The following UGT1A4 variants were observed in gnomAD, a reference collection of about 807,000 sequenced individuals.
UGT1A4 encodes UDP-glucuronosyltransferase 1A4.
Under a neutral mutation model 41.1 loss-of-function variants are expected in UGT1A4, and 32 were observed. That is an observed-to-expected ratio of 0.78 (90% CI 0.59 to 1.05). The LOEUF is 1.05. Ranked by LOEUF, UGT1A4 falls within the 50% of genes least tolerant of loss-of-function variation. The probability of loss-of-function intolerance (pLI) is 0.00; values close to 1 mark genes in which losing one functional copy is unlikely to be tolerated. For missense variants in UGT1A4, 748 were observed against 677.4 expected, an observed-to-expected ratio of 1.10 and a Z score of -1.16; for synonymous variants, 283 against 265.1, an observed-to-expected ratio of 1.07 and a Z score of -0.66.
chr2:233,725,861 T>C (rs1225689926), intron 1 of UGT1A4, among the ~76,000 whole-genome samples: 2 of 152,194 alleles, frequency 1.3e-5, no homozygotes, highest in East Asian at 1.9e-4. Context: ...ATTCCCCATC[T>C]CTTTTAATTT....
intron 1 of UGT1A4, chr2:233,742,978 TA>T: frequency 8.7e-6 from 2 of 230,188 alleles, no homozygotes; most frequent in Non-Finnish European, 1.7e-5. Flanking sequence ...GGCTTAAGTT[TA>T]ATAAATAGCA....
In UGT1A4 at chr2:233,769,600, G is replaced by A. The variant is rs36059993; in HGVS notation, c.1307+1161G>A. 2,963 of 1,612,786 alleles carry A rather than the reference G, an allele frequency of 1.8e-3. 49 individuals are homozygous for A. In the African/African-American group the frequency reaches 0.035, roughly 19 times the overall value. ...GTTCAGATGAGAGGAGACGGAACAC[G>A]GGGACACACCAGCTTGAGCAAGGGA... is the stretch of plus-strand genomic sequence containing the variant. On this transcript the variant is annotated intron_variant, in intron 4 of 4. Transcript: ENST00000373409. The surrounding 1 kb of genome is among the most constrained non-coding windows in gnomAD (Gnocchi z 4.4).
intron 1 of UGT1A4, chr2:233,755,338 G>T (rs569505432): frequency 4.6e-6 from 2 of 431,822 alleles, no homozygotes; most frequent in South Asian, 2.1e-5. Flanking sequence ...CCCGCGCACA[G>T]GTCAGAGGCT....
At chr2:233,764,492 C>G (rs1698575712) in intron 1 of UGT1A4, among the ~76,000 whole-genome samples, 1 of 152,096 alleles carries the variant, frequency 6.6e-6, no homozygotes, top group African/African-American at 2.4e-5. Context: ...TGTTTATGGA[C>G]CTGTGGGTTC....
chr2:233,744,469 A>G (rs965200544), intron 1 of UGT1A4, among the ~76,000 whole-genome samples: 1 of 151,962 alleles, frequency 6.6e-6, no homozygotes, highest in African/African-American at 2.4e-5. Flanking sequence ...AGAATTAAAA[A>G]GACATATTAA....
At chr2:233,734,881 G>T (rs1413647330) in intron 1 of UGT1A4, among the ~76,000 whole-genome samples, 2 of 152,202 alleles carry the variant, frequency 1.3e-5, no homozygotes, top group Non-Finnish European at 2.9e-5. Flanking sequence ...CTGAGAGACA[G>T]TTTGTTGTGA....
At chr2:233,765,122 G>A (rs181302961) in intron 1 of UGT1A4, among the ~76,000 whole-genome samples, 232 of 152,218 alleles carry the variant, frequency 1.5e-3, no homozygotes, top group Admixed American at 3.1e-3. Context: ...GACTGTTCAG[G>A]TTTTAGCACT....
At chr2:233,757,560 A>ATATATATATATATATATATG (rs904896556) in intron 1 of UGT1A4, among the ~76,000 whole-genome samples, 15 of 123,136 alleles carry the variant, frequency 1.2e-4, no homozygotes, top group African/African-American at 5.1e-4. Context: ...ATATATATAT[A>ATATATATATATATATATATG]TGTATATATG....
At chr2:233,729,112 G>A (rs557523932) in intron 1 of UGT1A4, 4 of 1,612,930 alleles carry the variant, frequency 2.5e-6, no homozygotes, top group East Asian at 2.2e-5. Flanking sequence ...TCAGCTGTCC[G>A]TGTCTTCTGC....
chr2:233,727,233 T>C (rs17864698), intron 1 of UGT1A4, among the ~76,000 whole-genome samples: 72 of 152,246 alleles, frequency 4.7e-4, no homozygotes, highest in Non-Finnish European at 7.8e-4. Context: ...TGCGGATGGC[T>C]CCAAGTCTAT....
chr2:233,743,698 C>T (rs368889261), intron 1 of UGT1A4: 29 of 1,367,192 alleles, frequency 2.1e-5, no homozygotes, highest in Middle Eastern at 2.1e-4. Context: ...AGCCGCCCTC[C>T]GCCCCCGCCT....
At chr2:233,738,036 C>T (rs28899194) in intron 1 of UGT1A4, among the ~76,000 whole-genome samples, 5,195 of 152,206 alleles carry the variant, frequency 0.034, 100 homozygotes, top group African/African-American at 0.051. Context: ...ATAATCCCCA[C>T]GTGTTGAGGA....
At position 233,769,640 on chromosome 2, in the gene UGT1A4, T is replaced by G; in HGVS notation, c.1307+1201T>G. ...TGAGCAAGGGACAACAGGGGAGGACTGATGACTGACTTCCCACCTTTGAGG... is the reference window on the plus strand; with the variant it reads ...TGAGCAAGGGACAACAGGGGAGGACGGATGACTGACTTCCCACCTTTGAGG... On this transcript the variant is annotated intron_variant, in intron 4 of 4. Coordinates refer to ENST00000373409, the MANE Select transcript of UGT1A4 (RefSeq NM_007120.3). This position sits in a 1 kb window ranked among gnomAD's most constrained non-coding sequence, Gnocchi z 4.4. The G allele has an allele frequency of 6.2e-7, 1 of 1,609,904 alleles. No individual in the cohort carries two copies. Among genetic ancestry groups the G allele is most frequent in the Non-Finnish European group, 8.5e-7 (1 of 1,178,488 alleles).
At chr2:233,736,679 G>C (rs2078792170) in intron 1 of UGT1A4, among the ~76,000 whole-genome samples, 1 of 152,134 alleles carries the variant, frequency 6.6e-6, no homozygotes, top group African/African-American at 2.4e-5. Flanking sequence ...CTTTGATGTT[G>C]GTGACCTACA....
chr2:233,767,698 C>T (rs1699451194), intron 2 of UGT1A4, 151 bp from the exon 3 acceptor site: 8 of 1,500,274 alleles, frequency 5.3e-6, no homozygotes, highest in Non-Finnish European at 6.2e-6. Flanking sequence ...CGGAAGTTGC[C>T]AGTCCTCAGA....
At chr2:233,757,560 A>ATG (rs199649558) in intron 1 of UGT1A4, among the ~76,000 whole-genome samples, 16 of 123,134 alleles carry the variant, frequency 1.3e-4, no homozygotes, top group African/African-American at 3.4e-4. Context: ...ATATATATAT[A>ATG]TGTATATATG....
In UGT1A4 at chr2:233,748,123, A is replaced by G. The variant is rs1228828484; in HGVS notation, c.868-18911A>G. On this transcript the variant is annotated intron_variant, in intron 1 of 4. Transcript: ENST00000373409. ...ATCCAATCAATGTTCCAGGCAAAAC[A>G]GTTTTTAAAAATTGTATTTACTTAC... The G allele has an allele frequency of 8.7e-6, 14 of 1,610,818 alleles. No individual in the cohort carries two copies. In the Admixed American group the frequency reaches 2.2e-4, roughly 25 times the overall value.
Position 233,768,343 on chromosome 2 carries a change from G to T in UGT1A4, c.1211G>T (p.Arg404Leu), listed in dbSNP as rs140613392. 1.2e-6 allele frequency: 2 copies of T among 1,614,170 alleles called. No homozygotes were observed. The highest frequency in any genetic ancestry group is 1.7e-6 in the Non-Finnish European group (2 of 1,180,042). ...LFGDQMDNAK[R>L]METKGAGVTL... is the part of the protein sequence containing the mutation. ...GGTGATCAGATGGACAATGCAAAGC[G>T]CATGGAGACTAAGGGAGCTGGAGTG... The change falls in exon 4 of 5, where the codon CGC becomes CTC. Residue 404 changes from arginine to leucine, a missense_variant. Coordinates refer to ENST00000373409, the MANE Select transcript of UGT1A4 (RefSeq NM_007120.3).
chr2:233,729,398 G>T, intron 1 of UGT1A4: 1 of 1,613,654 alleles, frequency 6.2e-7, no homozygotes. Flanking sequence ...GAATTTGATC[G>T]CCATGTGCTG....
Sources: gnomAD v4.1 joint callset for allele counts (sites outside exome capture counted in the v4.1 genomes callset) on GRCh38, gnomAD v4.1.1 for gene constraint, Gnocchi (gnomAD v3.1) non-coding constraint, MANE v1.5 for transcripts, NCBI Gene and HGNC (gene_info 2026-07-23, HGNC 2026-07-21) for gene names.